GPHN: variants seen among roughly 807,000 people sequenced by gnomAD.
The protein encoded by GPHN is gephyrin.
In GPHN, 17 loss-of-function variants were observed where a neutral mutation model predicts 95.5. That is an observed-to-expected ratio of 0.18 (90% CI 0.12 to 0.27). The LOEUF is 0.27. Ranked by LOEUF, GPHN falls within the 10% of genes least tolerant of loss-of-function variation. GPHN has a pLI of 1.00. For missense variants in GPHN, 660 were observed against 978.1 expected, an observed-to-expected ratio of 0.67 and a Z score of 4.34; for synonymous variants, 320 against 322.5, an observed-to-expected ratio of 0.99 and a Z score of 0.08.
chr14:67,106,737 G>GTTTTGT (rs528807842), intron 13 of GPHN, among the ~76,000 whole-genome samples: 7 of 151,960 alleles, frequency 4.6e-5, no homozygotes, highest in African/African-American at 1.5e-4. Flanking sequence ...TTATCGCTAG[G>GTTTTGT]TTTTGTTTTT....
chr14:67,448,740 GGAATCCTGAGTCAGGATTC>G, the GPHN span, among the ~76,000 whole-genome samples: 1 of 152,222 alleles, frequency 6.6e-6, no homozygotes, highest in East Asian at 1.9e-4. Context: ...TATTTTAAAT[GGAATCCTGAGTCAGGATTC>G]CTGACAAATC....
chr14:67,108,129 G>C (rs780214168), intron 13 of GPHN, among the ~76,000 whole-genome samples: 27 of 152,196 alleles, frequency 1.8e-4, no homozygotes, highest in Non-Finnish European at 2.1e-4. Flanking sequence ...GCAACAGTGA[G>C]ATTTCCTTAC....
At chr14:67,638,584 A>C in the GPHN span, among the ~76,000 whole-genome samples, 2 of 152,260 alleles carry the variant, frequency 1.3e-5, no homozygotes, top group Non-Finnish European at 2.9e-5. Context: ...CATTGTCCCA[A>C]GTCCTTACCT....
chr14:66,655,376 G>A (rs2065248703), intron 1 of GPHN, among the ~76,000 whole-genome samples: 1 of 151,912 alleles, frequency 6.6e-6, no homozygotes, highest in Non-Finnish European at 1.5e-5. Context: ...ATGATAAGTG[G>A]CATTATATTT....
intron 1 of GPHN, among the ~76,000 whole-genome samples, chr14:66,561,387 T>C (rs992519760): frequency 2.0e-5 from 3 of 152,198 alleles, no homozygotes; most frequent in Non-Finnish European, 2.9e-5. Flanking sequence ...TTTTGGTTGA[T>C]AAGCTATTGA....
intron 8 of GPHN, among the ~76,000 whole-genome samples, chr14:66,960,756 A>G (rs1407082064): frequency 6.6e-6 from 1 of 152,046 alleles, no homozygotes; most frequent in Non-Finnish European, 1.5e-5. Context: ...CACAAGTGAG[A>G]GAATAGAACC....
chr14:67,306,413 T>C, the GPHN span, among the ~76,000 whole-genome samples: 1 of 152,104 alleles, frequency 6.6e-6, no homozygotes, highest in African/African-American at 2.4e-5. Context: ...GGTGCGATCT[T>C]GGCTCACTGT....
chr14:66,861,842 C>A (rs2063035614), intron 4 of GPHN, among the ~76,000 whole-genome samples: 1 of 151,796 alleles, frequency 6.6e-6, no homozygotes, highest in African/African-American at 2.4e-5. Flanking sequence ...ACAGCAAAAG[C>A]AGTACTGAGG....
intron 9 of GPHN, among the ~76,000 whole-genome samples, chr14:67,016,393 A>G (rs888278627): frequency 5.3e-5 from 8 of 152,126 alleles, no homozygotes; most frequent in Non-Finnish European, 7.4e-5. Context: ...AATAACTACT[A>G]TAATTTGAAA....
the GPHN span, among the ~76,000 whole-genome samples, chr14:67,532,220 T>C: frequency 2.0e-5 from 3 of 152,142 alleles, no homozygotes; most frequent in Non-Finnish European, 4.4e-5. Context: ...TAGTTAGAGA[T>C]TCAGATTCAA....
chr14:67,484,965 A>G, the GPHN span, among the ~76,000 whole-genome samples: 2 of 152,186 alleles, frequency 1.3e-5, no homozygotes, highest in Admixed American at 6.5e-5. Flanking sequence ...GTAATATTCC[A>G]GCAAGCGGAA....
chr14:67,510,399 C>T, the GPHN span, among the ~76,000 whole-genome samples: 1 of 152,136 alleles, frequency 6.6e-6, no homozygotes, highest in African/African-American at 2.4e-5. Flanking sequence ...CGAATCATTG[C>T]CCAATGACCT....
the GPHN span, chr14:67,360,549 A>G: frequency 8.7e-6 from 2 of 229,030 alleles, no homozygotes; most frequent in African/African-American, 4.5e-5. Flanking sequence ...CCGGGCTAAT[A>G]CCTCCCTTTC....
chr14:66,985,692 G>A (rs1200704587), intron 9 of GPHN: 13 of 1,529,614 alleles, frequency 8.5e-6, no homozygotes, highest in Admixed American at 3.9e-5. Context: ...CAAATTAGAC[G>A]GCCGGATGAA....
chr14:67,661,420 A>G, the GPHN span, among the ~76,000 whole-genome samples: 2 of 151,156 alleles, frequency 1.3e-5, no homozygotes, highest in African/African-American at 4.9e-5. Flanking sequence ...GTCTTGCCTG[A>G]GGTACCAACT....
chr14:67,236,717 G>A, the GPHN span, among the ~76,000 whole-genome samples: 1 of 152,142 alleles, frequency 6.6e-6, no homozygotes, highest in Admixed American at 6.6e-5. Context: ...ATCTAAATAA[G>A]AATAACCCAA....
the GPHN span, chr14:67,321,381 C>T: frequency 3.4e-6 from 3 of 885,890 alleles, no homozygotes; most frequent in Non-Finnish European, 5.3e-6. Flanking sequence ...TACGGTTTTT[C>T]CCACTGATTT....
chr14:67,076,447 T>A (rs943825132), intron 11 of GPHN, among the ~76,000 whole-genome samples: 1 of 152,164 alleles, frequency 6.6e-6, no homozygotes, highest in Non-Finnish European at 1.5e-5. Context: ...AGTATCCCTG[T>A]AATTCACTTT....
At chr14:66,714,055 C>T (rs145356518) in intron 2 of GPHN, among the ~76,000 whole-genome samples, 449 of 152,240 alleles carry the variant, frequency 2.9e-3, no homozygotes, top group African/African-American at 0.01. Context: ...AGGTGTGAAC[C>T]ACCATGCCAG....
Sources: gnomAD v4.1 joint callset for allele counts (sites outside exome capture counted in the v4.1 genomes callset) on GRCh38, gnomAD v4.1.1 for gene constraint, MANE v1.5 for transcripts, NCBI Gene and HGNC (gene_info 2026-07-23, HGNC 2026-07-21) for gene names.